The following ABHD12 variants were observed in gnomAD, a reference collection of about 807,000 sequenced individuals.
ABHD12 encodes abhydrolase domain containing 12, lysophospholipase.
ABHD12 carries 43 observed loss-of-function variants against 58.3 expected under a neutral mutation model. The ratio of observed to expected loss-of-function variants is 0.74; its 90% confidence interval spans 0.58 to 0.95. The LOEUF (loss-of-function observed/expected upper bound fraction) is 0.95. Ranked by LOEUF, ABHD12 falls within the 40% of genes least tolerant of loss-of-function variation. The probability of loss-of-function intolerance (pLI) is 0.00; values close to 1 mark genes in which losing one functional copy is unlikely to be tolerated. For missense variants in ABHD12, 539 were observed against 537.2 expected (o/e 1.00, Z -0.03); for synonymous variants, 219 against 211.2 (o/e 1.04, Z -0.32).
At chr20:25,358,661 G>C (rs1295150300) in intron 1 of ABHD12, among the ~76,000 whole-genome samples, 3 of 152,318 alleles carry the variant, frequency 2.0e-5, no homozygotes, top group African/African-American at 7.2e-5. Context: ...CTCAGGCTAG[G>C]AGGTGGCAGG....
At chr20:25,296,590 C>A, downstream of ABHD12, 1 of 1,539,840 alleles carries the variant, frequency 6.5e-7, no homozygotes, top group Non-Finnish European at 8.8e-7. Context: ...CCTTTTTTCC[C>A]CAAACACTTT....
chr20:25,377,807 C>A (rs1175033465), intron 1 of ABHD12, among the ~76,000 whole-genome samples: 6 of 152,198 alleles, frequency 3.9e-5, no homozygotes, highest in African/African-American at 1.4e-4. Context: ...AAGCGATTCT[C>A]CTGCCTCAGC....
At chr20:25,294,876 G>A in exon 13 of ABHD12, 1 of 1,389,392 alleles carries the variant, frequency 7.2e-7, no homozygotes, top group Non-Finnish European at 1.0e-6. Context: ...ATCCGGCGAG[G>A]GCTGGGAATT....
intron 1 of ABHD12, among the ~76,000 whole-genome samples, chr20:25,360,257 T>C (rs984540864): frequency 2.9e-5 from 4 of 137,148 alleles, no homozygotes; most frequent in African/African-American, 1.1e-4. Context: ...TTTTTTTTTT[T>C]TGAGATGGAG....
At chr20:25,312,414 C>T (rs1272951797) in intron 6 of ABHD12, among the ~76,000 whole-genome samples, 1 of 152,192 alleles carries the variant, frequency 6.6e-6, no homozygotes, top group Non-Finnish European at 1.5e-5. Flanking sequence ...CTCCTAACCG[C>T]GAGTGATCTG....
chr20:25,356,475 T>C (rs78831362), intron 1 of ABHD12, among the ~76,000 whole-genome samples: 1 of 152,076 alleles, frequency 6.6e-6, no homozygotes, highest in Non-Finnish European at 1.5e-5. Flanking sequence ...GACTGGGAGG[T>C]GTGGGCCTTC....
Position 25,390,501 on chromosome 20 carries a change from G to A in ABHD12, c.191+12C>T. 1.0e-6 allele frequency: 1 copy of A among 973,250 alleles called. No individual in the cohort carries two copies. Among genetic ancestry groups the A allele is most frequent in the Non-Finnish European group, 1.3e-6 (1 of 750,342 alleles). The allele number at this position is 973,250 out of a possible 1,614,324, so 60.3% of individuals were successfully genotyped here. ...GGCCCCCCCCCCCCCCCCGCTCCGC[G>A]CGAAGCCTCACCTGCCCAGCGCCCG... On this transcript the variant is annotated intron_variant, in intron 1 of 12. Coordinates refer to ENST00000339157, the MANE Select transcript of ABHD12 (RefSeq NM_001042472.3).
At chr20:25,302,440 A>G in intron 11 of ABHD12, 94 bp from the exon 12 acceptor site, 1 of 1,529,498 alleles carries the variant, frequency 6.5e-7, no homozygotes, top group Non-Finnish European at 9.0e-7. Flanking sequence ...TTCAATAGAA[A>G]CCAGTCCAGA....
chr20:25,368,795 G>T, intron 1 of ABHD12: 1 of 709,918 alleles, frequency 1.4e-6, no homozygotes, highest in Non-Finnish European at 2.5e-6. Context: ...CCCAGCGGCG[G>T]TGGCATCTGC....
intron 10 of ABHD12, among the ~76,000 whole-genome samples, chr20:25,305,432 G>A (rs867767608): frequency 8.1e-5 from 12 of 148,694 alleles, no homozygotes; most frequent in African/African-American, 2.2e-4. Context: ...GCGCGATCTC[G>A]GCCCACTACA....
intron 1 of ABHD12, among the ~76,000 whole-genome samples, chr20:25,376,591 C>T (rs1600874868): frequency 6.6e-6 from 1 of 152,220 alleles, no homozygotes; most frequent in South Asian, 2.1e-4. Context: ...GCTTTACACA[C>T]AGCCACATAA....
chr20:25,324,181 A>G (rs1339061496), intron 2 of ABHD12, among the ~76,000 whole-genome samples: 1 of 152,220 alleles, frequency 6.6e-6, no homozygotes, highest in Non-Finnish European at 1.5e-5. Flanking sequence ...AGGAACCTCC[A>G]GGACCTGCGG....
downstream of ABHD12, chr20:25,296,608 A>G (rs9927): frequency 0.5 from 739,188 of 1,487,956 alleles, 189,336 homozygotes; most frequent in East Asian, 0.92. Flanking sequence ...TTTGCCAGCC[A>G]CTGGTGGTCC....
At chr20:25,363,485 G>A (rs2089780396) in intron 1 of ABHD12, among the ~76,000 whole-genome samples, 1 of 152,082 alleles carries the variant, frequency 6.6e-6, no homozygotes, top group African/African-American at 2.4e-5. Context: ...CCAAAGTGCT[G>A]GGAGAGCAGG....
rs2088807910 is a variant in ABHD12, at chr20:25,309,429, C to G, written c.749+17G>C. The G allele has an allele frequency of 1.2e-6, 2 of 1,613,850 alleles. No individual in the cohort carries two copies. Among genetic ancestry groups the G allele is most frequent in the Non-Finnish European group, 1.7e-6 (2 of 1,179,938 alleles). ...ACTGACTCCCACTAAAGGCTGCCTC[C>G]TGCTGGGGTCCCTTACCCAGTGCCC... On this transcript the variant is annotated intron_variant, in intron 7 of 12. Transcript: ENST00000339157.
intron 2 of ABHD12, 131 bp from the exon 3 acceptor site, chr20:25,323,561 A>C: frequency 1.4e-6 from 1 of 709,388 alleles, no homozygotes; most frequent in African/African-American, 1.7e-5. Flanking sequence ...GCACACCCAC[A>C]TGCACACACT....
At chr20:25,297,973 G>C (rs2088576271), downstream of ABHD12, 1 of 152,384 alleles carries the variant, frequency 6.6e-6, no homozygotes, top group Admixed American at 6.5e-5. Flanking sequence ...TGCCTTGTGA[G>C]ATAAAAACTG....
Position 25,302,351 on chromosome 20 carries a change from GGA to G in ABHD12, c.1030-7_1030-6del, listed in dbSNP as rs781754739. The G allele has an allele frequency of 2.9e-5, 47 of 1,612,938 alleles. No individual in the cohort carries two copies. The highest frequency in any genetic ancestry group is 1.3e-4 in the Admixed American group (8 of 60,004). ...TGGTGCGGCGATGCTATAGAGCTGGGGAGAGAGGGGTCAGAGCCTGAGGCAGT... is the reference window on the plus strand; with the variant it reads ...TGGTGCGGCGATGCTATAGAGCTGGGGAGAGGGGTCAGAGCCTGAGGCAGT... On this transcript the variant is annotated splice_polypyrimidine_tract_variant and splice_region_variant and intron_variant, in intron 11 of 12. Transcript: ENST00000339157.
rs746073206 is a variant in ABHD12 at position 25,309,525 on chromosome 20, C to T, written c.670G>A (p.Ala224Thr). ...TPSERGMTYDALHVFDWIKAR... is the reference protein window; with the variant it reads ...TPSERGMTYDTLHVFDWIKAR... Reference sequence around the variant, plus strand: ...TTGATCCAGTCAAAAACGTGGAGTGCGTCATAGGTCATGCCCCGCTCAGAT... The same window carrying T: ...TTGATCCAGTCAAAAACGTGGAGTGTGTCATAGGTCATGCCCCGCTCAGAT... Residue 224 changes from alanine (A) to threonine (T), a missense_variant, in exon 7 of 13, where the codon GCA (alanine) becomes ACA (threonine). By Grantham distance (58) the Ala-to-Thr change is moderately conservative. Transcript: ENST00000339157. 10 of 1,614,186 alleles carry T rather than the reference C, an allele frequency of 6.2e-6. No homozygotes were observed. Among genetic ancestry groups the T allele is most frequent in the South Asian group, 1.1e-5 (1 of 91,084 alleles).
Sources: allele counts gnomAD v4.1 joint callset (sites outside exome capture counted in the v4.1 genomes callset), GRCh38; gene constraint gnomAD v4.1.1; transcripts MANE v1.5; gene names NCBI Gene and HGNC (gene_info 2026-07-23, HGNC 2026-07-21).